Variants in MYO5B observed in about 807,000 individuals in gnomAD.
MYO5B encodes unconventional myosin-Vb.
MYO5B carries 143 observed loss-of-function variants against 229.3 expected under a neutral mutation model. The ratio of observed to expected loss-of-function variants is 0.62; its 90% CI spans 0.54 to 0.72. MYO5B has a LOEUF of 0.72. Among genes scored for constraint, MYO5B ranks in the 30% least tolerant of loss-of-function variants. MYO5B has a pLI of 0.00. For missense variants in MYO5B, 2,321 were observed against 2,331.0 expected (o/e 1.00, Z 0.09); for synonymous variants, 918 against 885.2 (o/e 1.04, Z -0.66).
At chr18:50,082,361 T>C (rs1208874792) in intron 1 of MYO5B, among the ~76,000 whole-genome samples, 1 of 152,218 alleles carries the variant, frequency 6.6e-6, no homozygotes, top group African/African-American at 2.4e-5. Flanking sequence ...AACAGTGACC[T>C]GCAAAAAGAT....
intron 21 of MYO5B, among the ~76,000 whole-genome samples, chr18:49,896,051 C>G (rs1036462172): frequency 2.6e-5 from 4 of 152,208 alleles, no homozygotes; most frequent in African/African-American, 4.8e-5. Context: ...CCAGGCAGAA[C>G]AGAGCTAGCG....
At chr18:49,883,590 G>T (rs539605532) in intron 22 of MYO5B, among the ~76,000 whole-genome samples, 2 of 149,854 alleles carry the variant, frequency 1.3e-5, no homozygotes, top group Non-Finnish European at 2.9e-5. Flanking sequence ...TCATTATGAA[G>T]ATCCTGCATG....
intron 12 of MYO5B, among the ~76,000 whole-genome samples, chr18:49,961,424 A>G (rs1268194510): frequency 1.3e-5 from 2 of 152,268 alleles, no homozygotes; most frequent in African/African-American, 2.4e-5. Context: ...AAAGGCAACA[A>G]AACTAGGAGA....
At chr18:49,886,810 T>C (rs1030596872) in intron 22 of MYO5B, among the ~76,000 whole-genome samples, 1 of 151,994 alleles carries the variant, frequency 6.6e-6, no homozygotes, top group African/African-American at 2.4e-5. Flanking sequence ...TCACCAAGCC[T>C]AGTTCTGGCC....
chr18:50,188,038 C>T (rs1293275436), intron 1 of MYO5B, among the ~76,000 whole-genome samples: 1 of 152,132 alleles, frequency 6.6e-6, no homozygotes, highest in Non-Finnish European at 1.5e-5. Context: ...TCAATAATTG[C>T]ACTATGGTTA....
At chr18:49,865,065 C>T (rs546355396) in intron 27 of MYO5B, among the ~76,000 whole-genome samples, 1 of 152,220 alleles carries the variant, frequency 6.6e-6, no homozygotes, top group African/African-American at 2.4e-5. Context: ...TGATCACACA[C>T]AAACTGCCGG....
At chr18:50,116,916 A>G (rs1257414502) in intron 1 of MYO5B, among the ~76,000 whole-genome samples, 1 of 152,118 alleles carries the variant, frequency 6.6e-6, no homozygotes, top group East Asian at 1.9e-4. Flanking sequence ...CTGTGATGTC[A>G]TTTAGCTATG....
chr18:49,957,020 C>G (rs910866815), intron 12 of MYO5B, among the ~76,000 whole-genome samples: 6 of 151,576 alleles, frequency 4.0e-5, no homozygotes, highest in African/African-American at 1.5e-4. Flanking sequence ...TGTGAACATA[C>G]TAAAAACCAC....
intron 4 of MYO5B, among the ~76,000 whole-genome samples, chr18:50,012,715 G>A (rs2026175337): frequency 6.6e-6 from 1 of 152,226 alleles, no homozygotes; most frequent in Non-Finnish European, 1.5e-5. Flanking sequence ...GCATCTGGGT[G>A]CCCCTTCTGT....
chr18:49,826,180 C>A lies in MYO5B; in HGVS notation c.*291G>T. 1 of 396,036 alleles carries A rather than the reference C, an allele frequency of 2.5e-6. No homozygotes were observed. Among genetic ancestry groups the A allele is most frequent in the South Asian group, 2.4e-5 (1 of 41,638 alleles). 24.5% of individuals were successfully genotyped at this position (396,036 alleles called of 1,614,324 possible). A position where few individuals can be genotyped will look rare whatever the true frequency, so the allele number is the denominator to read the frequency against. ...GCAGCTTCGTTTTATAGAATTGACA[C>A]CTTTTATATGTCTATGGGGACTGCT... On this transcript the variant is annotated 3_prime_UTR_variant, in exon 40 of 40. Transcript: ENST00000285039.
intron 22 of MYO5B, among the ~76,000 whole-genome samples, chr18:49,883,398 T>C (rs1320191628): frequency 1.3e-5 from 2 of 152,152 alleles, no homozygotes; most frequent in Non-Finnish European, 2.9e-5. Flanking sequence ...TCCACTATAA[T>C]GGCATAAAAT....
In MYO5B at chr18:49,929,547, C is replaced by G; in HGVS notation, c.2055G>C (p.Glu685Asp). ...VQQLRACGVL[E>D]TIRISAAGYP... Reference sequence around the variant, plus strand: ...AGCCAGCTGCACTGATTCGAATCGTCTCCAACACCCCGCAGGCTCTGAGTT... The same window carrying G: ...AGCCAGCTGCACTGATTCGAATCGTGTCCAACACCCCGCAGGCTCTGAGTT... The change falls in exon 17 of 40, where the codon GAG (glutamate) becomes GAC (aspartate). Residue 685 changes from glutamate (E) to aspartate (D), a missense_variant. Physicochemically the swap from Glu to Asp is conservative, Grantham distance 45. Coordinates refer to ENST00000285039, the MANE Select transcript of MYO5B (RefSeq NM_001080467.3). The G allele has an allele frequency of 1.2e-6, 2 of 1,608,752 alleles. No individual in the cohort carries two copies. Among genetic ancestry groups the G allele is most frequent in the Non-Finnish European group, 1.7e-6 (2 of 1,179,324 alleles).
At chr18:50,081,271 T>C (rs1369984678) in intron 1 of MYO5B, among the ~76,000 whole-genome samples, 1 of 152,204 alleles carries the variant, frequency 6.6e-6, no homozygotes, top group African/African-American at 2.4e-5. Context: ...TGACCAAAGA[T>C]GACCTGTTCC....
intron 28 of MYO5B, 81 bp downstream of exon 28, chr18:49,864,060 G>C (rs958583209): frequency 1.1e-5 from 18 of 1,581,112 alleles, no homozygotes; most frequent in Non-Finnish European, 1.5e-5. Flanking sequence ...GACCCTCGTG[G>C]GTAAAGATAA....
At chr18:50,006,886 A>G (rs1040910792) in intron 4 of MYO5B, among the ~76,000 whole-genome samples, 1 of 152,166 alleles carries the variant, frequency 6.6e-6, no homozygotes, top group African/African-American at 2.4e-5. Context: ...TTTCCTGAGG[A>G]GCATAATTTG....
chr18:49,943,493 T>G (rs187398450), intron 14 of MYO5B, among the ~76,000 whole-genome samples: 16 of 152,348 alleles, frequency 1.1e-4, no homozygotes, highest in Non-Finnish European at 1.9e-4. Flanking sequence ...AAAATCCATA[T>G]GCCAACATCA....
chr18:50,193,844 GGCTGCAGC>G (rs2033261292), intron 1 of MYO5B, among the ~76,000 whole-genome samples: 1 of 152,230 alleles, frequency 6.6e-6, no homozygotes, highest in African/African-American at 2.4e-5. Flanking sequence ...GGTCCCGGGC[GGCTGCAGC>G]GCTGCCGCGA....
chr18:50,049,892 G>A (rs554458447), intron 2 of MYO5B, among the ~76,000 whole-genome samples: 1 of 152,160 alleles, frequency 6.6e-6, no homozygotes, highest in Non-Finnish European at 1.5e-5. Context: ...AGACGGTGGT[G>A]ATGGTCACAC....
At chr18:50,115,104 C>A (rs531780291) in intron 1 of MYO5B, among the ~76,000 whole-genome samples, 2 of 152,330 alleles carry the variant, frequency 1.3e-5, no homozygotes, top group South Asian at 4.1e-4. Context: ...TTACACCTGT[C>A]CCCACACTGT....
Sources: gnomAD v4.1 joint callset for allele counts (sites outside exome capture counted in the v4.1 genomes callset) on GRCh38, gnomAD v4.1.1 for gene constraint, MANE v1.5 for transcripts, NCBI Gene and HGNC (gene_info 2026-07-23, HGNC 2026-07-21) for gene names.